CACNA1D: variants seen among roughly 807,000 people sequenced by gnomAD.
CACNA1D encodes calcium voltage-gated channel subunit alpha1 D.
CACNA1D carries 55 observed loss-of-function variants against 257.1 expected under a neutral mutation model. The ratio of observed to expected loss-of-function variants is 0.21; its 90% CI spans 0.17 to 0.27. The LOEUF (loss-of-function observed/expected upper bound fraction) is 0.27. Ranked by LOEUF, CACNA1D falls within the 10% of genes least tolerant of loss-of-function variation. The probability of loss-of-function intolerance (pLI) is 1.00; values close to 1 mark genes in which losing one functional copy is unlikely to be tolerated. For synonymous variants in CACNA1D, 980 were observed against 1,014.9 expected, an observed-to-expected ratio of 0.97 and a Z score of 0.65; for missense variants, 1,876 against 2,784.0, an observed-to-expected ratio of 0.67 and a Z score of 7.34.
Position 53,576,511 on chromosome 3 carries a change from T to C in CACNA1D, c.484-74268T>C, listed in dbSNP as rs559088259. Among the ~76,000 whole-genome samples the C allele has an allele frequency of 1.1e-3, 168 of 152,338 alleles. 1 individual carries two copies. The highest frequency in any genetic ancestry group is 2.1e-3 in the Non-Finnish European group (143 of 68,032). ...GAATCTCCATCCTCCATCAGACTAATAGTTTTTCCAGTCCAGCATTTTGCC... is the reference window on the plus strand; with the variant it reads ...GAATCTCCATCCTCCATCAGACTAACAGTTTTTCCAGTCCAGCATTTTGCC... On this transcript the variant is annotated intron_variant, in intron 3 of 47. Transcript: ENST00000350061.
chr3:53,773,169 T>G (rs1055516152), intron 33 of CACNA1D, among the ~76,000 whole-genome samples: 1 of 152,112 alleles, frequency 6.6e-6, no homozygotes, highest in African/African-American at 2.4e-5. Flanking sequence ...AAAGTGAAAT[T>G]CACTTGAAAC....
chr3:53,513,777 T>C (rs567771035), intron 3 of CACNA1D, among the ~76,000 whole-genome samples: 1 of 152,240 alleles, frequency 6.6e-6, no homozygotes, highest in Admixed American at 6.5e-5. Context: ...GTGAGTGCCC[T>C]CTACAGGTGT....
intron 8 of CACNA1D, among the ~76,000 whole-genome samples, chr3:53,694,966 T>C (rs989693644): frequency 6.6e-6 from 1 of 152,166 alleles, no homozygotes; most frequent in Non-Finnish European, 1.5e-5. Flanking sequence ...AAAGGTCTTT[T>C]GGGGGCTGGA....
intron 4 of CACNA1D, among the ~76,000 whole-genome samples, chr3:53,652,785 G>A (rs1170185358): frequency 1.3e-5 from 2 of 152,132 alleles, no homozygotes; most frequent in African/African-American, 4.8e-5. Flanking sequence ...ATTGTAACAT[G>A]GCCACACTCA....
rs375698713 is a variant in CACNA1D, at chr3:53,635,897, G to C, written c.484-14882G>C. 4.6e-5 allele frequency among the ~76,000 whole-genome samples: 7 copies of C among 152,118 alleles called. 1 individual carries two copies. The highest frequency in any genetic ancestry group is 9.7e-5 in the African/African-American group (4 of 41,434). The stretch of plus-strand genomic sequence containing the variant: ...AGGACAGGCAGGAAACTCGCTGCCC[G>C]ACCCTGCCTGAGTCTCCGTTTCCTT... On this transcript the variant is annotated intron_variant, in intron 3 of 47. Coordinates refer to ENST00000350061, the MANE Select transcript of CACNA1D (RefSeq NM_001128840.3).
At chr3:53,691,881 ATATATAT>A (rs2094530571) in intron 8 of CACNA1D, among the ~76,000 whole-genome samples, 2 of 97,896 alleles carry the variant, frequency 2.0e-5, no homozygotes, top group Admixed American at 1.6e-4. Context: ...ATTACATATA[ATATATAT>A]TATATATATT....
intron 3 of CACNA1D, among the ~76,000 whole-genome samples, chr3:53,561,651 C>T (rs1437202348): frequency 1.3e-5 from 2 of 152,120 alleles, no homozygotes; most frequent in African/African-American, 4.8e-5. Context: ...TTCAGTTTTT[C>T]GCAGTATGCT....
At chr3:53,631,099 G>A (rs912276085) in intron 3 of CACNA1D, among the ~76,000 whole-genome samples, 98 of 152,182 alleles carry the variant, frequency 6.4e-4, no homozygotes, top group Admixed American at 3.6e-3. Flanking sequence ...TGGGGTGGCC[G>A]TGGCAATTTC....
At chr3:53,662,293 A>G (rs542870509) in intron 5 of CACNA1D, among the ~76,000 whole-genome samples, 8 of 152,320 alleles carry the variant, frequency 5.3e-5, no homozygotes, top group Admixed American at 3.9e-4. Flanking sequence ...AAGCACCCAC[A>G]TTAAGAGACT....
chr3:53,705,062 A>G (rs901075804), intron 9 of CACNA1D, among the ~76,000 whole-genome samples: 1 of 152,222 alleles, frequency 6.6e-6, no homozygotes, highest in Admixed American at 6.5e-5. Flanking sequence ...GATGACAGAA[A>G]TCAATGACTC....
Position 53,673,872 on chromosome 3 carries a change from T to G in CACNA1D, c.1220+746T>G. 2 of 1,073,054 alleles carry G rather than the reference T, an allele frequency of 1.9e-6. No individual in the cohort carries two copies. Among genetic ancestry groups the G allele is most frequent in the African/African-American group, 1.5e-5 (1 of 64,580 alleles). The allele number at this position is 1,073,054 out of a possible 1,614,324, so 66.5% of individuals were successfully genotyped here. On this transcript the variant is annotated intron_variant, in intron 8 of 47. Transcript: ENST00000350061. The surrounding 1 kb of genome is among the most constrained non-coding windows in gnomAD (Gnocchi z 4.1). ...CCTGCTGCCACGTGTGAGGCAACTCTGCGTGTCTCCTAGCTGCTCCCTGAC... is the reference window on the plus strand; with the variant it reads ...CCTGCTGCCACGTGTGAGGCAACTCGGCGTGTCTCCTAGCTGCTCCCTGAC...
Position 53,808,728 on chromosome 3 carries a change from C to T in CACNA1D, c.5829C>T (p.Phe1943=), listed in dbSNP as rs775572299. The change falls in exon 46 of 48, where the codon TTC becomes TTT. Residue 1943 remains phenylalanine (F), a synonymous_variant. Coordinates refer to ENST00000350061, the MANE Select transcript of CACNA1D (RefSeq NM_001128840.3). The stretch of plus-strand genomic sequence containing the variant: ...AAGAGGTCCCGTCGTCTCCCATCTT[C>T]CCCCATCGCACGGCCCTGCCTCTGC... The part of the protein sequence containing the change: ...SQEEVPSSPI[F]PHRTALPLHL... 3 of 1,608,750 alleles carry T rather than the reference C, an allele frequency of 1.9e-6. No homozygotes were observed. The highest frequency in any genetic ancestry group is 2.5e-6 in the Non-Finnish European group (3 of 1,179,978).
chr3:53,786,848 T>C lies in CACNA1D; in HGVS notation c.4819T>C (p.Tyr1607His). The C allele has an allele frequency of 6.2e-7, 1 of 1,613,680 alleles. No individual in the cohort carries two copies. The highest frequency in any genetic ancestry group is 8.5e-7 in the Non-Finnish European group (1 of 1,179,642). The stretch of plus-strand genomic sequence containing the variant: ...TGATGAGGTAACCGTGGGGAAGTTC[T>C]ATGCCACTTTCCTGATACAGGACTA... ...GDDEVTVGKFYATFLIQDYFR... is the reference protein window; with the variant it reads ...GDDEVTVGKFHATFLIQDYFR... Residue 1607 changes from tyrosine to histidine, a missense_variant, in exon 40 of 48, where the codon TAT becomes CAT. Tyr to His is a moderately conservative substitution (Grantham distance 83). This residue lies in a region of CACNA1D where 160 missense variants were observed against 236.6 expected (regional missense o/e 0.68). Transcript: ENST00000350061.
chr3:53,510,115 A>G (rs1017318804), intron 3 of CACNA1D, among the ~76,000 whole-genome samples: 2 of 152,264 alleles, frequency 1.3e-5, no homozygotes, highest in Admixed American at 6.5e-5. Flanking sequence ...CACAAGTAAT[A>G]CATGAATACA....
intron 3 of CACNA1D, among the ~76,000 whole-genome samples, chr3:53,641,056 C>T (rs1282246326): frequency 5.3e-5 from 8 of 152,110 alleles, no homozygotes; most frequent in Admixed American, 6.5e-5. Context: ...ACGTGAAGAC[C>T]GTACCTTCCA....
chr3:53,609,417 A>G (rs1170564356), intron 3 of CACNA1D, among the ~76,000 whole-genome samples: 4 of 151,646 alleles, frequency 2.6e-5, no homozygotes, highest in Non-Finnish European at 5.9e-5. Context: ...CTCAAAAAAA[A>G]AAAAAAAAAA....
At chr3:53,726,125 G>T (rs1385352712) in intron 14 of CACNA1D, among the ~76,000 whole-genome samples, 1 of 152,208 alleles carries the variant, frequency 6.6e-6, no homozygotes, top group Non-Finnish European at 1.5e-5. Context: ...GACACAGAGG[G>T]TCTCCAGAGT....
chr3:53,729,137 A>G (rs1397033962), intron 15 of CACNA1D, among the ~76,000 whole-genome samples: 1 of 152,206 alleles, frequency 6.6e-6, no homozygotes, highest in African/African-American at 2.4e-5. Flanking sequence ...AGGAATGCTC[A>G]TGTTACCAAG....
intron 3 of CACNA1D, among the ~76,000 whole-genome samples, chr3:53,517,725 AC>A (rs1300286973): frequency 6.6e-6 from 1 of 151,862 alleles, no homozygotes; most frequent in African/African-American, 2.4e-5. Flanking sequence ...CTTGTGATCC[AC>A]CCATCTCAGC....
Sources: allele counts gnomAD v4.1 joint callset (sites outside exome capture counted in the v4.1 genomes callset), GRCh38; gene constraint gnomAD v4.1.1; regional missense constraint gnomAD v4.1.1; non-coding constraint Gnocchi (gnomAD v3.1); transcripts MANE v1.5; gene names NCBI Gene and HGNC (gene_info 2026-07-23, HGNC 2026-07-21).